Variants in CDH8 observed in about 807,000 individuals in gnomAD.
CDH8 encodes cadherin-8.
CDH8 carries 17 observed loss-of-function variants against 68.1 expected under a neutral mutation model. That is an observed-to-expected ratio of 0.25 (90% CI 0.17 to 0.37). The LOEUF (loss-of-function observed/expected upper bound fraction) is 0.37. CDH8 is among the 10% of genes least tolerant of loss of function. The probability of loss-of-function intolerance (pLI) is 1.00; values close to 1 mark genes in which losing one functional copy is unlikely to be tolerated. For synonymous variants in CDH8, 372 were observed against 365.1 expected, an observed-to-expected ratio of 1.02 and a Z score of -0.21; for missense variants, 763 against 999.3, an observed-to-expected ratio of 0.76 and a Z score of 3.19.
Position 61,685,728 on chromosome 16 carries a change from T to A in CDH8, c.1654+28113A>T, listed in dbSNP as rs189469607. ...ATTATTATCATTATTTTTATTACTA[T>A]TGCCTTCTTTGTGTTTTCCATCACT... On this transcript the variant is annotated intron_variant, in intron 10 of 11. Coordinates refer to ENST00000577390, the MANE Select transcript of CDH8 (RefSeq NM_001796.5). Among the ~76,000 whole-genome samples the A allele has an allele frequency of 3.7e-3, 559 of 152,048 alleles. 4 individuals are homozygous for A. The highest frequency in any genetic ancestry group is 0.013 in the African/African-American group (546 of 41,510).
At chr16:61,732,471 C>T (rs1433258779) in intron 8 of CDH8, among the ~76,000 whole-genome samples, 1 of 151,776 alleles carries the variant, frequency 6.6e-6, no homozygotes, top group East Asian at 1.9e-4. Context: ...ATAACTTATT[C>T]AAAGTGTTCA....
In CDH8 at chr16:61,661,297, CTTG is replaced by C. The variant is rs541946167; in HGVS notation, c.1655-5579_1655-5577del. On this transcript the variant is annotated intron_variant, in intron 10 of 11. Transcript: ENST00000577390. ...ACTCAACAACTGTATAATAAATATT[CTTG>C]TTAAGTGAACTTAGAACAGTCTGCA... is the stretch of plus-strand genomic sequence containing the variant. 2.1e-3 allele frequency among the ~76,000 whole-genome samples: 318 copies of C among 151,922 alleles called. 3 individuals carry two copies. Among genetic ancestry groups the C allele is most frequent in the Non-Finnish European group, 3.3e-3 (225 of 67,826 alleles).
chr16:61,985,918 C>CTTTTTTTTTTTTTTT (rs71134380), intron 2 of CDH8, among the ~76,000 whole-genome samples: 3 of 91,110 alleles, frequency 3.3e-5, no homozygotes, highest in African/African-American at 4.2e-5. Context: ...CCTTTCTTTA[C>CTTTTTTTTTTTTTTT]TTTTTTTTTT....
intron 2 of CDH8, among the ~76,000 whole-genome samples, chr16:61,916,818 T>C (rs939906632): frequency 1.3e-5 from 2 of 152,126 alleles, no homozygotes; most frequent in Admixed American, 6.6e-5. Context: ...AGAAAAAATA[T>C]TGGGGGACAC....
intron 10 of CDH8, among the ~76,000 whole-genome samples, chr16:61,699,035 C>A (rs142503459): frequency 6.6e-6 from 1 of 152,282 alleles, no homozygotes; most frequent in East Asian, 1.9e-4. Context: ...TTTTAGATAG[C>A]TAGTTTAACC....
chr16:61,654,433 C>T (rs1285375735), intron 11 of CDH8, among the ~76,000 whole-genome samples: 1 of 152,072 alleles, frequency 6.6e-6, no homozygotes, highest in East Asian at 1.9e-4. Flanking sequence ...GAAAGTATGA[C>T]TAGCTTGATA....
At chr16:61,767,607 C>A (rs988838244) in intron 8 of CDH8, among the ~76,000 whole-genome samples, 2 of 151,780 alleles carry the variant, frequency 1.3e-5, no homozygotes, top group East Asian at 1.9e-4. Flanking sequence ...CTGGCAAGGA[C>A]CCTCATTCAT....
At chr16:61,909,701 T>C (rs1567523803) in intron 2 of CDH8, among the ~76,000 whole-genome samples, 1 of 152,184 alleles carries the variant, frequency 6.6e-6, no homozygotes, top group East Asian at 1.9e-4. Context: ...GCAATAGAAA[T>C]GTAACATATA....
At chr16:61,842,048 C>A (rs112032183) in intron 4 of CDH8, among the ~76,000 whole-genome samples, 54 of 134,346 alleles carry the variant, frequency 4.0e-4, no homozygotes, top group African/African-American at 1.5e-3. Flanking sequence ...CCACCACGCC[C>A]GGCTAATTTT....
intron 2 of CDH8, among the ~76,000 whole-genome samples, chr16:61,954,263 C>A (rs758316753): frequency 6.6e-6 from 1 of 152,050 alleles, no homozygotes; most frequent in African/African-American, 2.4e-5. Context: ...ATATGATGTC[C>A]ATCTTTCCCA....
chr16:61,700,789 C>A (rs1397448441), intron 10 of CDH8, among the ~76,000 whole-genome samples: 8 of 152,034 alleles, frequency 5.3e-5, no homozygotes, highest in Non-Finnish European at 1.2e-4. Context: ...GAAAAGTACA[C>A]CTAGATAGCA....
At chr16:61,972,304 G>C (rs1597100501) in intron 2 of CDH8, among the ~76,000 whole-genome samples, 1 of 152,198 alleles carries the variant, frequency 6.6e-6, no homozygotes, top group Middle Eastern at 3.4e-3. Context: ...ATCCAGTCTT[G>C]CATATGTCTT....
intron 4 of CDH8, among the ~76,000 whole-genome samples, chr16:61,828,863 A>G (rs1016468697): frequency 2.6e-5 from 4 of 151,920 alleles, no homozygotes; most frequent in African/African-American, 9.7e-5. Context: ...CACTGTGGAC[A>G]TTCCAAGATG....
rs1408656729 is a variant in CDH8, at chr16:61,727,133, T to C, written c.1497A>G (p.Glu499=). 3 of 1,610,620 alleles carry C rather than the reference T, an allele frequency of 1.9e-6. No homozygotes were observed. In the African/African-American group the frequency reaches 4.0e-5, roughly 22 times the overall value. ...CATTTTCACATAAAAATGCCTCATA[T>C]TCGGATGCGAATTCAGGGGCGTTGT... ...VNDNAPEFAS[E]YEAFLCENGK... The change falls in exon 9 of 12, where the codon GAA becomes GAG. Residue 499 remains glutamate (E), a synonymous_variant. Transcript: ENST00000577390.
At position 61,891,926 on chromosome 16, in the gene CDH8, C is replaced by T. The variant is rs184012415; in HGVS notation, c.547+9253G>A. On this transcript the variant is annotated intron_variant, in intron 3 of 11. Transcript: ENST00000577390. ...CTGCCAAATTCTTTTAAAATCTAGC[C>T]GAGAGGGAGAAAGAAAGACACAACC... Among the ~76,000 whole-genome samples, 185 of 151,830 alleles carry T rather than the reference C, an allele frequency of 1.2e-3. 1 individual carries two copies. Among genetic ancestry groups the T allele is most frequent in the African/African-American group, 4.1e-3 (171 of 41,404 alleles).
intron 1 of CDH8, among the ~76,000 whole-genome samples, chr16:62,021,882 C>A (rs181039190): frequency 6.6e-6 from 1 of 151,994 alleles, no homozygotes. Flanking sequence ...TCTTTCCCAT[C>A]TCCCTCTCTT....
chr16:62,001,102 C>G (rs145113257), intron 2 of CDH8, among the ~76,000 whole-genome samples: 1 of 152,190 alleles, frequency 6.6e-6, no homozygotes, highest in Non-Finnish European at 1.5e-5. Flanking sequence ...AATGAAGACA[C>G]AAATTAGGGG....
chr16:61,890,892 A>T (rs527909515), intron 3 of CDH8, among the ~76,000 whole-genome samples: 32 of 152,060 alleles, frequency 2.1e-4, no homozygotes, highest in Non-Finnish European at 3.5e-4. Context: ...TGCACTGGAA[A>T]CACCCAGCTT....
intron 2 of CDH8, among the ~76,000 whole-genome samples, chr16:62,013,899 G>T (rs1305883865): frequency 1.3e-5 from 2 of 152,162 alleles, no homozygotes; most frequent in Non-Finnish European, 2.9e-5. Context: ...TTTGCTTCAA[G>T]TGGGAAAAAT....
Sources: allele counts gnomAD v4.1 joint callset (sites outside exome capture counted in the v4.1 genomes callset), GRCh38; gene constraint gnomAD v4.1.1; transcripts MANE v1.5; gene names NCBI Gene and HGNC (gene_info 2026-07-23, HGNC 2026-07-21).